Variants in EIF4ENIF1 observed in about 807,000 individuals in gnomAD.
EIF4ENIF1 encodes the protein eukaryotic translation initiation factor 4E nuclear import factor 1, also known as eukaryotic translation initiation factor 4E transporter.
In EIF4ENIF1, 23 loss-of-function variants were observed where a neutral mutation model predicts 110.5. The ratio of observed to expected loss-of-function variants is 0.21; its 90% CI spans 0.15 to 0.29. The LOEUF (loss-of-function observed/expected upper bound fraction) is 0.29, where lower values mean the gene tolerates loss of function less well. EIF4ENIF1 is among the 10% of genes least tolerant of loss of function. The pLI is 1.00. For missense variants in EIF4ENIF1, 1,031 were observed against 1,221.1 expected (o/e 0.84, Z 2.32); for synonymous variants, 440 against 437.0 (o/e 1.01, Z -0.09).
Position 31,449,383 on chromosome 22 carries a change from G to A in EIF4ENIF1, c.1733C>T (p.Ala578Val), listed in dbSNP as rs2050578786. Residue 578 changes from alanine (A) to valine (V), a missense_variant, in exon 12 of 19, where the codon GCT becomes GTT. Ala to Val is a moderately conservative substitution (Grantham distance 64). Transcript: ENST00000330125. ...SQVFQTRAAS[A>V]DYLRPRIPSP... ...TGGTATTCTTGGGCGAAGGTAGTCA[G>A]CTGAGGCTGCTCGAGTTTGAAACAC... is the stretch of plus-strand genomic sequence containing the variant. 1 of 1,614,118 alleles carries A rather than the reference G, an allele frequency of 6.2e-7. No individual in the cohort carries two copies. The highest frequency in any genetic ancestry group is 1.1e-5 in the South Asian group (1 of 91,076).
upstream of EIF4ENIF1, among the ~76,000 whole-genome samples, chr22:31,493,041 A>C (rs757443586): frequency 1.1e-4 from 16 of 143,066 alleles, no homozygotes; most frequent in African/African-American, 3.9e-4. Flanking sequence ...GATAATTTGT[A>C]ATTTTTTTTT....
intron 4 of EIF4ENIF1, among the ~76,000 whole-genome samples, chr22:31,464,699 A>AAAAAAAATAT (rs1304121964): frequency 1.5e-4 from 6 of 39,130 alleles, no homozygotes; most frequent in East Asian, 6.2e-4. Flanking sequence ...AAAAAAAAAA[A>AAAAAAAATAT]ATATATATAT....
At chr22:31,444,531 C>T in intron 15 of EIF4ENIF1, 75 bp downstream of exon 15, 7 of 1,403,854 alleles carry the variant, frequency 5.0e-6, no homozygotes, top group South Asian at 1.2e-5. Flanking sequence ...ATTTAGGGCA[C>T]ACAGTGGTAC....
intron 4 of EIF4ENIF1, among the ~76,000 whole-genome samples, chr22:31,466,451 G>T (rs774216673): frequency 6.6e-6 from 1 of 151,290 alleles, no homozygotes; most frequent in Non-Finnish European, 1.5e-5. Context: ...ACGGTGGAAC[G>T]TGTATGTGTA....
intron 9 of EIF4ENIF1, 146 bp from the exon 10 acceptor site, chr22:31,454,522 T>C (rs1429596168): frequency 2.7e-5 from 18 of 668,872 alleles, no homozygotes; most frequent in Non-Finnish European, 4.5e-5. Flanking sequence ...AAAAATAAAC[T>C]AATAACACTT....
chr22:31,483,140 T>G (rs2051886564), intron 2 of EIF4ENIF1, among the ~76,000 whole-genome samples: 1 of 150,424 alleles, frequency 6.6e-6, no homozygotes, highest in South Asian at 2.1e-4. Context: ...AGGTACTATA[T>G]TCCAGAACTG....
intron 14 of EIF4ENIF1, 104 bp downstream of exon 14, chr22:31,447,322 A>C: frequency 7.3e-7 from 1 of 1,366,778 alleles, no homozygotes; most frequent in African/African-American, 1.5e-5. Context: ...CACATACTGA[A>C]CATACCACAG....
intron 14 of EIF4ENIF1, among the ~76,000 whole-genome samples, chr22:31,445,383 T>C (rs189348200): frequency 6.6e-6 from 1 of 152,320 alleles, no homozygotes; most frequent in Non-Finnish European, 1.5e-5. Flanking sequence ...GGCCCAAGTA[T>C]AGTCACTGAC....
Position 31,458,581 on chromosome 22 carries a change from G to A in EIF4ENIF1, c.857C>T (p.Ala286Val), listed in dbSNP as rs138044460. 1.4e-5 allele frequency: 23 copies of A among 1,613,278 alleles called. No individual in the cohort carries two copies. Among genetic ancestry groups the A allele is most frequent in the Middle Eastern group, 1.6e-4 (1 of 6,074 alleles). Residue 286 changes from alanine (A) to valine (V), a missense_variant, in exon 7 of 19, where the codon GCG (alanine) becomes GTG (valine). Ala to Val is a moderately conservative substitution (Grantham distance 64, BLOSUM62 0). This residue lies in a region of EIF4ENIF1 where 704 missense variants were observed against 879.7 expected (regional missense o/e 0.80). Coordinates refer to ENST00000330125, the MANE Select transcript of EIF4ENIF1 (RefSeq NM_019843.4). ...EVEVILAQEP[A>V]ADQEVPRDAV... Reference sequence around the variant, plus strand: ...ATCCCTTGGCACTTCCTGATCAGCCGCAGGCTCCTGTGCAAGGATGACCTC... The same window carrying A: ...ATCCCTTGGCACTTCCTGATCAGCCACAGGCTCCTGTGCAAGGATGACCTC...
intron 4 of EIF4ENIF1, among the ~76,000 whole-genome samples, chr22:31,467,822 T>C (rs1488903639): frequency 6.6e-6 from 1 of 151,804 alleles, no homozygotes; most frequent in Non-Finnish European, 1.5e-5. Context: ...AAAAAAGAAT[T>C]GCCAGAACTA....
intron 6 of EIF4ENIF1, among the ~76,000 whole-genome samples, chr22:31,460,977 AG>A (rs2050975134): frequency 6.6e-6 from 1 of 152,296 alleles, no homozygotes; most frequent in South Asian, 2.1e-4. Flanking sequence ...ACAAAAAAAA[AG>A]GCTTTCCCCT....
At chr22:31,464,479 A>G (rs1601608125) in intron 4 of EIF4ENIF1, among the ~76,000 whole-genome samples, 1 of 151,088 alleles carries the variant, frequency 6.6e-6, no homozygotes, top group African/African-American at 2.4e-5. Flanking sequence ...GGAGTTCAAG[A>G]CCAGCCTGGC....
chr22:31,456,263 A>G lies in EIF4ENIF1; in HGVS notation c.964-276T>C, dbSNP rs570294242. Among the ~76,000 whole-genome samples the G allele has an allele frequency of 3.7e-3, 507 of 137,966 alleles. 2 individuals are homozygous for G. The highest frequency in any genetic ancestry group is 0.011 in the African/African-American group (401 of 36,484). 90.5% of individuals were successfully genotyped at this position (137,966 alleles called of 152,430 possible). ...TTTTGAGACAGAGTCTCGCTCTGTCACCCAGGCTGGAGTGCAGTGGCACGA... is the reference window on the plus strand; with the variant it reads ...TTTTGAGACAGAGTCTCGCTCTGTCGCCCAGGCTGGAGTGCAGTGGCACGA... On this transcript the variant is annotated intron_variant, in intron 7 of 18. Transcript: ENST00000330125.
chr22:31,448,222 T>TG lies in EIF4ENIF1; in HGVS notation c.1778dup (p.Gly594ArgfsTer42). On this transcript the variant is annotated frameshift_variant, in exon 13 of 19. Transcript: ENST00000330125. LOFTEE classifies it high-confidence loss of function. ...GATCTCCGAGTAGCTGCTGTGGTCC[T>TG]GGTGTGAAACCTGTCGGGAAAGTTA... is the stretch of plus-strand genomic sequence containing the variant. 6.2e-7 allele frequency: 1 copy of TG among 1,614,180 alleles called. No homozygotes were observed. Among genetic ancestry groups the TG allele is most frequent in the Non-Finnish European group, 8.5e-7 (1 of 1,180,008 alleles).
chr22:31,468,235 C>A lies in EIF4ENIF1; in HGVS notation c.238G>T (p.Val80Leu). ...LYPASGRSSPVESLKKELDTD... is the reference protein window; with the variant it reads ...LYPASGRSSPLESLKKELDTD... ...TCCAACTCTTTCTTCAGACTTTCCA[C>A]TGGTGAGCTCCGCCCTGAAGCTGGG... The change falls in exon 4 of 19, where the codon GTG becomes TTG. Residue 80 changes from valine to leucine, a missense_variant. Transcript: ENST00000330125. 1.2e-6 allele frequency: 2 copies of A among 1,614,210 alleles called. No individual in the cohort carries two copies. Among genetic ancestry groups the A allele is most frequent in the Non-Finnish European group, 1.7e-6 (2 of 1,180,042 alleles).
At chr22:31,492,498 G>C (rs192706835), upstream of EIF4ENIF1, among the ~76,000 whole-genome samples, 68 of 152,146 alleles carry the variant, frequency 4.5e-4, 1 homozygote, top group Admixed American at 3.0e-3. Flanking sequence ...TTTCCACTAG[G>C]CTCCTTTAAT....
intron 2 of EIF4ENIF1, among the ~76,000 whole-genome samples, chr22:31,472,145 T>C (rs752934776): frequency 1.1e-4 from 16 of 152,174 alleles, no homozygotes; most frequent in Non-Finnish European, 2.1e-4. Context: ...CAATCTCTCA[T>C]AATTGCTATT....
Position 31,439,994 on chromosome 22 carries a change from C to G in EIF4ENIF1, c.2844G>C (p.Arg948Ser), listed in dbSNP as rs1281970199. 1.2e-6 allele frequency: 2 copies of G among 1,613,880 alleles called. No homozygotes were observed. The highest frequency in any genetic ancestry group is 1.7e-6 in the Non-Finnish European group (2 of 1,179,946). Reference protein sequence around the residue: ...HSQLEHRPSQRSSSPVGLAKW... With the variant: ...HSQLEHRPSQSSSSPVGLAKW... ...TGGCAAGGCCCACAGGGGAGCTGCT[C>G]CTCTGGCTGGGGCGATGCTCCAGCT... Residue 948 changes from arginine (R) to serine (S), a missense_variant, in exon 19 of 19, where the codon AGG (arginine) becomes AGC (serine). Around this residue, in one of 3 missense-constraint regions of EIF4ENIF1, gnomAD observed 309 missense variants for 299.1 expected, o/e 1.03. Transcript: ENST00000330125.
rs749090477 is a variant in EIF4ENIF1 at position 31,463,720 on chromosome 22, G to A, written c.546C>T (p.Asp182=). ...LSDKDLRDLR[D]RDRERDFKDK... is the part of the protein sequence containing the mutation. Reference sequence around the variant, plus strand: ...CCTTGAAGTCCCTCTCTCGGTCTCTGTCTCTCAAGTCCCGCAGGTCCTTAT... The same window carrying A: ...CCTTGAAGTCCCTCTCTCGGTCTCTATCTCTCAAGTCCCGCAGGTCCTTAT... Residue 182 remains aspartate (D), a synonymous_variant, in exon 5 of 19, where the codon GAC becomes GAT. Coordinates refer to ENST00000330125, the MANE Select transcript of EIF4ENIF1 (RefSeq NM_019843.4). The A allele has an allele frequency of 1.9e-6, 3 of 1,607,202 alleles. No homozygotes were observed. In the African/African-American group the frequency reaches 4.1e-5, roughly 22 times the overall value.
Sources: allele counts gnomAD v4.1 joint callset (sites outside exome capture counted in the v4.1 genomes callset), GRCh38; gene constraint gnomAD v4.1.1; regional missense constraint gnomAD v4.1.1; transcripts MANE v1.5; gene names NCBI Gene and HGNC (gene_info 2026-07-23, HGNC 2026-07-21).